The following CACNA2D3 variants were observed in gnomAD, a reference collection of about 807,000 sequenced individuals.
The protein encoded by CACNA2D3 is voltage-dependent calcium channel subunit alpha-2/delta-3.
A neutral mutation model predicts 160.6 loss-of-function variants in CACNA2D3; 60 were observed. That is an observed-to-expected ratio of 0.37 (90% CI 0.30 to 0.46). The LOEUF is 0.46. Among genes scored for constraint, CACNA2D3 ranks in the 20% least tolerant of loss-of-function variants. The pLI, the probability that CACNA2D3 is intolerant of heterozygous loss-of-function variation, is 1.00. For missense variants in CACNA2D3, 1,205 were observed against 1,365.0 expected (o/e 0.88, Z 1.85); for synonymous variants, 558 against 492.9 (o/e 1.13, Z -1.75).
At chr3:55,016,662 G>T (rs1332063861) in intron 34 of CACNA2D3, among the ~76,000 whole-genome samples, 1 of 152,172 alleles carries the variant, frequency 6.6e-6, no homozygotes, top group East Asian at 1.9e-4. Context: ...ATCCTGTGAG[G>T]TTACTATAGA....
chr3:54,926,635 G>A (rs1447560941), intron 27 of CACNA2D3, among the ~76,000 whole-genome samples: 1 of 151,994 alleles, frequency 6.6e-6, no homozygotes, highest in Non-Finnish European at 1.5e-5. Context: ...TCTGTTCACT[G>A]AAAACTGATC....
chr3:54,792,465 A>T (rs935302978), intron 13 of CACNA2D3, among the ~76,000 whole-genome samples: 13 of 152,212 alleles, frequency 8.5e-5, no homozygotes, highest in African/African-American at 3.1e-4. Flanking sequence ...ATTGAATCAT[A>T]AAACTGAAAT....
chr3:54,549,385 G>T (rs1308376010), intron 5 of CACNA2D3, among the ~76,000 whole-genome samples: 1 of 152,222 alleles, frequency 6.6e-6, no homozygotes, highest in Non-Finnish European at 1.5e-5. Context: ...GGCGGAACTT[G>T]CAGTGAGCCG....
At chr3:54,201,408 G>A (rs11707387) in intron 2 of CACNA2D3, among the ~76,000 whole-genome samples, 6,753 of 152,210 alleles carry the variant, frequency 0.044, 196 homozygotes, top group South Asian at 0.097. Flanking sequence ...TGGAAGTTAC[G>A]GTAACAAAAG....
At chr3:54,662,376 A>G (rs1699989642) in intron 11 of CACNA2D3, among the ~76,000 whole-genome samples, 2 of 152,212 alleles carry the variant, frequency 1.3e-5, no homozygotes, top group African/African-American at 4.8e-5. Context: ...GAGAGTCTAA[A>G]GTGACTAATC....
intron 4 of CACNA2D3, among the ~76,000 whole-genome samples, chr3:54,447,829 C>G (rs1054172018): frequency 6.6e-6 from 1 of 152,126 alleles, no homozygotes; most frequent in African/African-American, 2.4e-5. Flanking sequence ...ACATTTCTGG[C>G]CATTCCAGGA....
At chr3:54,627,922 T>A in intron 10 of CACNA2D3, 46 bp downstream of exon 10, 2 of 1,299,470 alleles carry the variant, frequency 1.5e-6, no homozygotes, top group Non-Finnish European at 2.2e-6. Context: ...GGAGAATAGA[T>A]GGGTGTTGTT....
intron 5 of CACNA2D3, among the ~76,000 whole-genome samples, chr3:54,531,129 G>C (rs373887726): frequency 6.6e-6 from 1 of 152,256 alleles, no homozygotes; most frequent in Non-Finnish European, 1.5e-5. Flanking sequence ...TGTGCTGGTC[G>C]AGGATGGATT....
intron 2 of CACNA2D3, among the ~76,000 whole-genome samples, chr3:54,154,917 T>C (rs1017056115): frequency 3.3e-5 from 5 of 152,376 alleles, no homozygotes; most frequent in South Asian, 2.1e-4. Context: ...CTGATACTTA[T>C]TGTTTTTCTA....
chr3:54,317,089 G>T (rs898647673), intron 2 of CACNA2D3, among the ~76,000 whole-genome samples: 1 of 152,236 alleles, frequency 6.6e-6, no homozygotes, highest in African/African-American at 2.4e-5. Flanking sequence ...GGTATAAGCT[G>T]AGTTTCAATG....
chr3:54,329,058 G>T (rs111901308), intron 3 of CACNA2D3, among the ~76,000 whole-genome samples: 1 of 152,142 alleles, frequency 6.6e-6, no homozygotes, highest in Admixed American at 6.5e-5. Context: ...CAGATGGCTC[G>T]TTGTCTGAGC....
chr3:55,009,347 G>A, intron 33 of CACNA2D3, 41 bp from the exon 34 acceptor site: 1 of 1,573,016 alleles, frequency 6.4e-7, no homozygotes, highest in Non-Finnish European at 8.8e-7. Context: ...ATATGGGCAT[G>A]GATGACGAAG....
At chr3:54,704,222 T>G (rs891151847) in intron 11 of CACNA2D3, among the ~76,000 whole-genome samples, 7 of 152,218 alleles carry the variant, frequency 4.6e-5, no homozygotes, top group African/African-American at 9.6e-5. Context: ...GACTGGAATT[T>G]AGAATCTCAA....
intron 2 of CACNA2D3, among the ~76,000 whole-genome samples, chr3:54,172,104 G>A (rs960696260): frequency 2.6e-5 from 4 of 152,104 alleles, no homozygotes; most frequent in African/African-American, 4.8e-5. Flanking sequence ...GGTCCTTTGC[G>A]GTGTTTGCCC....
At chr3:54,608,657 G>T (rs1340225260) in intron 9 of CACNA2D3, among the ~76,000 whole-genome samples, 1 of 152,234 alleles carries the variant, frequency 6.6e-6, no homozygotes, top group Non-Finnish European at 1.5e-5. Flanking sequence ...GGAAATCTCA[G>T]TGGTAGTGCT....
At chr3:54,774,173 G>C (rs1702374941) in intron 13 of CACNA2D3, among the ~76,000 whole-genome samples, 1 of 152,148 alleles carries the variant, frequency 6.6e-6, no homozygotes, top group Non-Finnish European at 1.5e-5. Context: ...CTGTCTTGAG[G>C]CGTGACTAGA....
At chr3:54,736,058 T>TATATATATATACATAC (rs1701506833) in intron 11 of CACNA2D3, among the ~76,000 whole-genome samples, 3 of 50,886 alleles carry the variant, frequency 5.9e-5, no homozygotes, top group Non-Finnish European at 4.2e-5. Context: ...CATACATATG[T>TATATATATATACATAC]ATGTATATAT....
intron 36 of CACNA2D3, 49 bp downstream of exon 36, chr3:55,073,606 G>C (rs1704868006): frequency 6.9e-7 from 1 of 1,444,726 alleles, no homozygotes; most frequent in African/African-American, 1.4e-5. Flanking sequence ...ACCAGTAAGG[G>C]GTATCAGTGG....
intron 27 of CACNA2D3, among the ~76,000 whole-genome samples, chr3:54,949,755 G>A (rs965184154): frequency 1.3e-5 from 2 of 152,172 alleles, no homozygotes; most frequent in East Asian, 3.9e-4. Context: ...AAGTGACTGT[G>A]GTCTCTGCCA....
Sources: allele counts gnomAD v4.1 joint callset (sites outside exome capture counted in the v4.1 genomes callset), GRCh38; gene constraint gnomAD v4.1.1; transcripts MANE v1.5; gene names NCBI Gene and HGNC (gene_info 2026-07-23, HGNC 2026-07-21).